Variants in SFXN5 observed in about 807,000 individuals in gnomAD.
SFXN5 encodes the protein sideroflexin 5.
SFXN5 carries 43 observed loss-of-function variants against 50.2 expected under a neutral mutation model. The ratio of observed to expected loss-of-function variants is 0.86; its 90% CI spans 0.67 to 1.11. The LOEUF is 1.11. SFXN5 is among the 50% of genes least tolerant of loss of function. The probability of loss-of-function intolerance (pLI) is 0.00; values close to 1 mark genes in which losing one functional copy is unlikely to be tolerated. For synonymous variants in SFXN5, 203 were observed against 185.8 expected (o/e 1.09, Z -0.75); for missense variants, 463 against 454.1 (o/e 1.02, Z -0.18).
chr2:73,022,458 C>T, intron 5 of SFXN5, 64 bp downstream of exon 5: 1 of 1,285,240 alleles, frequency 7.8e-7, no homozygotes, highest in East Asian at 2.3e-5. Flanking sequence ...CTGGATGCTC[C>T]TGGAACTGTG....
chr2:73,046,683 G>T (rs2105951829), intron 2 of SFXN5, among the ~76,000 whole-genome samples: 1 of 152,076 alleles, frequency 6.6e-6, no homozygotes, highest in East Asian at 1.9e-4. Context: ...ACTTGGAAAT[G>T]AATAGAATAA....
intron 2 of SFXN5, among the ~76,000 whole-genome samples, chr2:73,045,543 T>G (rs962481753): frequency 1.1e-3 from 148 of 129,356 alleles, no homozygotes; most frequent in African/African-American, 1.5e-3. Context: ...TGGCGGGGGG[T>G]GGGGGTGAGG....
chr2:73,063,961 T>C (rs1266471544), intron 1 of SFXN5, among the ~76,000 whole-genome samples: 1 of 152,220 alleles, frequency 6.6e-6, no homozygotes, highest in African/African-American at 2.4e-5. Context: ...GTGGATGTTT[T>C]TCCTCCCCTT....
intron 13 of SFXN5, among the ~76,000 whole-genome samples, chr2:72,951,521 G>A (rs1672533825): frequency 6.6e-6 from 1 of 152,150 alleles, no homozygotes; most frequent in Admixed American, 6.5e-5. Flanking sequence ...TCTACAGCCT[G>A]GGAGCACACA....
chr2:72,984,861 C>T (rs965933520), intron 10 of SFXN5, among the ~76,000 whole-genome samples: 3 of 152,056 alleles, frequency 2.0e-5, no homozygotes, highest in African/African-American at 4.8e-5. Context: ...TGTCTCAGGC[C>T]ACTCTTAGGC....
intron 3 of SFXN5, 121 bp downstream of exon 3, chr2:73,040,733 A>G (rs1287208582): frequency 1.3e-5 from 9 of 697,934 alleles, no homozygotes; most frequent in Non-Finnish European, 1.9e-5. Flanking sequence ...CCACAGGGGT[A>G]TGTACCAGCA....
intron 9 of SFXN5, among the ~76,000 whole-genome samples, chr2:72,995,912 T>G (rs891233783): frequency 6.6e-6 from 1 of 152,200 alleles, no homozygotes; most frequent in African/African-American, 2.4e-5. Flanking sequence ...AGACGCTCAC[T>G]GTGTGAAGAC....
In SFXN5 at chr2:73,010,371, C is replaced by G. The variant is rs536137740; in HGVS notation, c.358-8793G>C. On this transcript the variant is annotated intron_variant, in intron 6 of 13. Coordinates refer to ENST00000272433, the MANE Select transcript of SFXN5 (RefSeq NM_144579.3). ...GCCTACTATTCTTCTTTTCTTTCTC[C>G]TCTCTGGAATGTGAATGTGATGGCT... is the stretch of plus-strand genomic sequence containing the variant. 2.0e-5 allele frequency among the ~76,000 whole-genome samples: 3 copies of G among 152,202 alleles called. No homozygotes were observed. In the East Asian group the frequency reaches 5.8e-4, roughly 29 times the overall value.
intron 10 of SFXN5, among the ~76,000 whole-genome samples, chr2:72,979,043 T>C (rs1451686606): frequency 1.3e-5 from 2 of 152,252 alleles, no homozygotes; most frequent in Non-Finnish European, 2.9e-5. Flanking sequence ...AATGTATATG[T>C]ATTAACATAA....
rs898403085 is a variant in SFXN5, at chr2:72,953,624, A to G, written c.945+7507T>C. Among the ~76,000 whole-genome samples the G allele has an allele frequency of 8.5e-5, 13 of 152,174 alleles. No homozygotes were observed. Among genetic ancestry groups the G allele is most frequent in the Non-Finnish European group, 5.9e-5 (4 of 68,038 alleles). On this transcript the variant is annotated intron_variant, in intron 13 of 13. Coordinates refer to ENST00000272433, the MANE Select transcript of SFXN5 (RefSeq NM_144579.3). The surrounding 1 kb of genome is among the most constrained non-coding windows in gnomAD (Gnocchi z 4.1). ...GGAAGGGAGAAAGGTCTACTGTCCT[A>G]AGGGGGAAGATGGAACACAGAAAAC...
intron 2 of SFXN5, among the ~76,000 whole-genome samples, chr2:73,048,927 TGA>T (rs972979033): frequency 6.6e-5 from 10 of 152,228 alleles, no homozygotes; most frequent in African/African-American, 2.2e-4. Context: ...TGAGAGCGAA[TGA>T]GTATTCAGTT....
intron 6 of SFXN5, among the ~76,000 whole-genome samples, chr2:73,004,060 G>C (rs1351301392): frequency 1.3e-5 from 2 of 152,162 alleles, no homozygotes; most frequent in Non-Finnish European, 2.9e-5. Context: ...TTGCAAACGG[G>C]ACAACTGAGG....
At chr2:73,039,174 C>T (rs576941591) in intron 3 of SFXN5, among the ~76,000 whole-genome samples, 4 of 152,296 alleles carry the variant, frequency 2.6e-5, no homozygotes, top group East Asian at 1.9e-4. Context: ...GTGATCCGCC[C>T]GCCTTGGCCT....
intron 11 of SFXN5, among the ~76,000 whole-genome samples, chr2:72,970,660 A>C (rs547168286): frequency 6.6e-6 from 1 of 152,020 alleles, no homozygotes; most frequent in East Asian, 1.9e-4. Context: ...CTGGGAAAGC[A>C]GAGGGAGATG....
chr2:73,038,979 T>C (rs1235402673), intron 3 of SFXN5, among the ~76,000 whole-genome samples: 1 of 152,142 alleles, frequency 6.6e-6, no homozygotes, highest in Non-Finnish European at 1.5e-5. Flanking sequence ...CAGGCTGGAG[T>C]GCAGTGGCGT....
chr2:73,047,194 G>A, intron 2 of SFXN5, among the ~76,000 whole-genome samples: 1 of 115,096 alleles, frequency 8.7e-6, no homozygotes, highest in Non-Finnish European at 1.8e-5. Context: ...CTCCAGCCTG[G>A]GTGACAGAGT....
At chr2:72,946,636 G>A (rs1007036574) in intron 13 of SFXN5, among the ~76,000 whole-genome samples, 5 of 152,030 alleles carry the variant, frequency 3.3e-5, no homozygotes, top group Non-Finnish European at 7.4e-5. Flanking sequence ...AACTGAACCT[G>A]CCCTCTCCCC....
intron 2 of SFXN5, among the ~76,000 whole-genome samples, chr2:73,051,804 T>G (rs1311949814): frequency 6.6e-6 from 1 of 152,092 alleles, no homozygotes; most frequent in Non-Finnish European, 1.5e-5. Flanking sequence ...TCTGGTGAGG[T>G]CTGCATCCTT....
intron 9 of SFXN5, among the ~76,000 whole-genome samples, chr2:72,990,681 T>G (rs777755709): frequency 6.6e-6 from 1 of 152,204 alleles, no homozygotes; most frequent in Admixed American, 6.5e-5. Flanking sequence ...ACAACTTTGC[T>G]CAAGGATAGA....
Sources: allele counts gnomAD v4.1 joint callset (sites outside exome capture counted in the v4.1 genomes callset), GRCh38; gene constraint gnomAD v4.1.1; non-coding constraint Gnocchi (gnomAD v3.1); transcripts MANE v1.5; gene names NCBI Gene and HGNC (gene_info 2026-07-23, HGNC 2026-07-21).